Variants in PRIM2 observed in about 807,000 individuals in gnomAD.
PRIM2 encodes DNA primase subunit 2, also known as DNA primase large subunit.
PRIM2 carries 39 observed loss-of-function variants against 67.3 expected under a neutral mutation model. The observed-to-expected ratio is 0.58, with a 90% CI of 0.45 to 0.76. The LOEUF (loss-of-function observed/expected upper bound fraction) is 0.76, where lower values mean the gene tolerates loss of function less well. PRIM2 is among the 30% of genes least tolerant of loss of function. PRIM2 has a pLI of 0.00. For missense variants in PRIM2, 398 were observed against 598.7 expected (o/e 0.66, Z 3.50); for synonymous variants, 143 against 198.7 (o/e 0.72, Z 2.36).
At chr6:57,538,080 A>G (rs1775037172) in intron 10 of PRIM2, among the ~76,000 whole-genome samples, 1 of 152,088 alleles carries the variant, frequency 6.6e-6, no homozygotes, top group South Asian at 2.1e-4. Context: ...CAATGGTGCA[A>G]TCATGGCTCA....
chr6:57,283,065 C>G, the PRIM2 span, among the ~76,000 whole-genome samples: 1 of 152,102 alleles, frequency 6.6e-6, no homozygotes, highest in African/African-American at 2.4e-5. Context: ...AGCTATTACT[C>G]TAGTCCTCCT....
chr6:57,615,376 A>G (rs1158935318), intron 12 of PRIM2, among the ~76,000 whole-genome samples: 29 of 150,464 alleles, frequency 1.9e-4, no homozygotes, highest in African/African-American at 6.1e-4. Flanking sequence ...AGCCATGATC[A>G]TGCCACTGCA....
chr6:57,543,696 G>T (rs1775226219), intron 10 of PRIM2, among the ~76,000 whole-genome samples: 1 of 152,064 alleles, frequency 6.6e-6, no homozygotes, highest in African/African-American at 2.4e-5. Context: ...TTGACTGCCT[G>T]ATCGGTATCT....
intron 13 of PRIM2, among the ~76,000 whole-genome samples, chr6:57,632,788 T>C (rs1441984497): frequency 6.6e-6 from 1 of 152,242 alleles, no homozygotes; most frequent in Non-Finnish European, 1.5e-5. Context: ...CTTGTACTTG[T>C]GGCTGCCACC....
chr6:57,433,512 C>A (rs1771901735), intron 7 of PRIM2, among the ~76,000 whole-genome samples: 1 of 151,658 alleles, frequency 6.6e-6, no homozygotes, highest in African/African-American at 2.4e-5. Context: ...TGAAAGGAAG[C>A]AGAGCACATA....
chr6:57,501,629 C>CT (rs1554346891), intron 7 of PRIM2, among the ~76,000 whole-genome samples: 1 of 152,058 alleles, frequency 6.6e-6, no homozygotes, highest in Non-Finnish European at 1.5e-5. Flanking sequence ...ACTTTATGTC[C>CT]TTTTTATGTG....
intron 7 of PRIM2, among the ~76,000 whole-genome samples, chr6:57,450,452 T>G (rs1268994725): frequency 2.0e-5 from 3 of 152,342 alleles, no homozygotes; most frequent in South Asian, 2.1e-4. Context: ...CTTAGCATAA[T>G]GCCAACATAG....
chr6:57,608,076 G>A (rs1277037541), intron 12 of PRIM2, among the ~76,000 whole-genome samples: 1 of 152,040 alleles, frequency 6.6e-6, no homozygotes, highest in Non-Finnish European at 1.5e-5. Flanking sequence ...GGAGAGAAGA[G>A]GTAGGGAGTC....
chr6:57,306,110 C>A, the PRIM2 span, among the ~76,000 whole-genome samples: 1 of 152,172 alleles, frequency 6.6e-6, no homozygotes, highest in African/African-American at 2.4e-5. Context: ...AACAGTTTTG[C>A]TGAATACTAT....
At chr6:57,374,304 T>A (rs1359679714) in intron 5 of PRIM2, among the ~76,000 whole-genome samples, 1 of 123,246 alleles carries the variant, frequency 8.1e-6, no homozygotes, top group African/African-American at 3.3e-5. Context: ...TATTTATTTA[T>A]TTTTTTTGAG....
At chr6:57,466,964 A>G (rs1306784443) in intron 7 of PRIM2, among the ~76,000 whole-genome samples, 21 of 152,282 alleles carry the variant, frequency 1.4e-4, no homozygotes, top group Middle Eastern at 3.4e-3. Flanking sequence ...TACCTAAAAT[A>G]CAAAATTAGC....
chr6:57,369,516 A>T (rs1769474434), intron 5 of PRIM2, among the ~76,000 whole-genome samples: 1 of 152,088 alleles, frequency 6.6e-6, no homozygotes, highest in Non-Finnish European at 1.5e-5. Flanking sequence ...AGATGTGGGG[A>T]ATTATGAGTA....
chr6:57,370,294 T>C (rs1436240615), intron 5 of PRIM2, among the ~76,000 whole-genome samples: 1 of 152,220 alleles, frequency 6.6e-6, no homozygotes, highest in African/African-American at 2.4e-5. Context: ...ATAAATGAAA[T>C]ATCCTTATAT....
At chr6:57,523,461 T>C (rs1774672991) in intron 8 of PRIM2, among the ~76,000 whole-genome samples, 1 of 152,210 alleles carries the variant, frequency 6.6e-6, no homozygotes, top group African/African-American at 2.4e-5. Flanking sequence ...TGAAGAGAAG[T>C]TGCAGCCAAT....
intron 9 of PRIM2, among the ~76,000 whole-genome samples, chr6:57,536,057 A>G (rs2127469547): frequency 6.6e-6 from 1 of 152,338 alleles, no homozygotes; most frequent in Non-Finnish European, 1.5e-5. Context: ...AGTTAGTTCT[A>G]GATATAGAAC....
chr6:57,466,617 T>G (rs1341275454), intron 7 of PRIM2, among the ~76,000 whole-genome samples: 1 of 152,262 alleles, frequency 6.6e-6, no homozygotes, highest in African/African-American at 2.4e-5. Context: ...CATAAATGCC[T>G]TCTTTTGAGA....
At chr6:57,489,000 G>T (rs1293187382) in intron 7 of PRIM2, among the ~76,000 whole-genome samples, 3 of 152,176 alleles carry the variant, frequency 2.0e-5, no homozygotes, top group Non-Finnish European at 4.4e-5. Context: ...AGAGATATGC[G>T]CAGCACAACT....
chr6:57,298,603 A>T, the PRIM2 span, among the ~76,000 whole-genome samples: 1 of 151,938 alleles, frequency 6.6e-6, no homozygotes, highest in Non-Finnish European at 1.5e-5. Context: ...CAGCTACAAA[A>T]TTGGACCCTC....
the PRIM2 span, among the ~76,000 whole-genome samples, chr6:57,253,364 T>C: frequency 2.0e-5 from 3 of 152,198 alleles, no homozygotes; most frequent in Admixed American, 2.0e-4. Context: ...CTATAAACTA[T>C]GGTCTATAAA....
Sources: allele counts gnomAD v4.1 joint callset (sites outside exome capture counted in the v4.1 genomes callset), GRCh38; gene constraint gnomAD v4.1.1; transcripts MANE v1.5; gene names NCBI Gene and HGNC (gene_info 2026-07-23, HGNC 2026-07-21).